Variants in TAF12 observed in about 807,000 individuals in gnomAD.
TAF12 encodes TATA-box binding protein associated factor 12, also known as transcription initiation factor TFIID subunit 12.
A neutral mutation model predicts 20.8 loss-of-function variants in TAF12; 3 were observed. The observed-to-expected ratio is 0.14, with a 90% CI of 0.07 to 0.37. The LOEUF is 0.37. TAF12 is among the 10% of genes least tolerant of loss of function. TAF12 has a pLI of 1.00. For missense variants in TAF12, 131 were observed against 197.9 expected (o/e 0.66, Z 2.03); for synonymous variants, 69 against 70.2 (o/e 0.98, Z 0.09).
intron 1 of TAF12, among the ~76,000 whole-genome samples, 173 bp from the exon 2 acceptor site, chr1:28,622,338 A>G (rs1240620021): frequency 1.4e-5 from 2 of 144,782 alleles, no homozygotes; most frequent in Admixed American, 7.0e-5. Context: ...TGGGCAACAT[A>G]GCGAGACCTA....
At chr1:28,631,122 T>G (rs1557470762) in intron 1 of TAF12, among the ~76,000 whole-genome samples, 1 of 151,946 alleles carries the variant, frequency 6.6e-6, no homozygotes, top group Non-Finnish European at 1.5e-5. Context: ...ACAAATGACT[T>G]GTATCCAGCA....
Position 28,603,040 on chromosome 1 carries a change from C to T in TAF12, c.*499G>A, listed in dbSNP as rs1666556737. ...ATGCTGCCACCTGCTGACTAGAGAGCTACAATCCAGGCTTGCTTGTCCTGA... is the reference window on the plus strand; with the variant it reads ...ATGCTGCCACCTGCTGACTAGAGAGTTACAATCCAGGCTTGCTTGTCCTGA... On this transcript the variant is annotated 3_prime_UTR_variant, in exon 6 of 6. Coordinates refer to ENST00000373824, the MANE Select transcript of TAF12 (RefSeq NM_005644.4). 6.5e-6 allele frequency: 1 copy of T among 152,716 alleles called. No individual in the cohort carries two copies. Among genetic ancestry groups the T allele is most frequent in the African/African-American group, 2.4e-5 (1 of 41,418 alleles). 9.5% of individuals were successfully genotyped at this position (152,716 alleles called of 1,614,324 possible). A position where few individuals can be genotyped will look rare whatever the true frequency, so the allele number is the denominator to read the frequency against.
At chr1:28,638,314 C>G (rs1570341256) in intron 1 of TAF12, among the ~76,000 whole-genome samples, 1 of 151,592 alleles carries the variant, frequency 6.6e-6, no homozygotes, top group Admixed American at 6.6e-5. Flanking sequence ...CTCAGCCTCC[C>G]GAGTAGCTGT....
chr1:28,628,410 C>T (rs963863378), intron 1 of TAF12, among the ~76,000 whole-genome samples: 3 of 151,712 alleles, frequency 2.0e-5, no homozygotes, highest in Admixed American at 2.0e-4. Flanking sequence ...ACATATTGTA[C>T]GATTACATTT....
chr1:28,615,173 A>G (rs1005892910), intron 3 of TAF12, among the ~76,000 whole-genome samples: 10 of 152,162 alleles, frequency 6.6e-5, no homozygotes, highest in South Asian at 2.1e-4. Context: ...TTATCAGTCA[A>G]TATAGTCCCC....
intron 1 of TAF12, among the ~76,000 whole-genome samples, chr1:28,628,789 A>C (rs1667524212): frequency 6.6e-6 from 1 of 152,226 alleles, no homozygotes; most frequent in African/African-American, 2.4e-5. Flanking sequence ...AAACACATGT[A>C]TTGCCGGATG....
intron 1 of TAF12, among the ~76,000 whole-genome samples, chr1:28,629,212 G>A (rs752578006): frequency 8.5e-5 from 13 of 152,160 alleles, no homozygotes; most frequent in South Asian, 2.1e-4. Flanking sequence ...GACCAAGAAC[G>A]TCTTATTTTT....
At chr1:28,608,409 T>C (rs552638671) in intron 4 of TAF12, among the ~76,000 whole-genome samples, 33 of 151,674 alleles carry the variant, frequency 2.2e-4, no homozygotes, top group African/African-American at 7.5e-4. Flanking sequence ...TCTCTACGAA[T>C]TGAACTTTAC....
chr1:28,623,123 G>A (rs1303213846), intron 1 of TAF12, among the ~76,000 whole-genome samples: 1 of 152,050 alleles, frequency 6.6e-6, no homozygotes, highest in African/African-American at 2.4e-5. Context: ...CAGGAGGATT[G>A]CCTGAGCCCA....
upstream of TAF12, among the ~76,000 whole-genome samples, chr1:28,647,634 G>T (rs1668230415): frequency 6.6e-6 from 1 of 152,238 alleles, no homozygotes; most frequent in Non-Finnish European, 1.5e-5. Flanking sequence ...AGCACTCTGG[G>T]AGGCTGAGGC....
intron 1 of TAF12, among the ~76,000 whole-genome samples, chr1:28,626,373 A>T (rs969722055): frequency 6.6e-6 from 1 of 151,810 alleles, no homozygotes; most frequent in African/African-American, 2.4e-5. Context: ...TGAGGTCAGG[A>T]GTTCGAGACC....
intron 4 of TAF12, among the ~76,000 whole-genome samples, chr1:28,608,175 CA>C (rs58747974): frequency 0.047 from 3,020 of 63,726 alleles, 110 homozygotes; most frequent in African/African-American, 0.15. Context: ...ACTAAAAATA[CA>C]AAAAAAAAAA....
chr1:28,625,788 G>A (rs1325507615), intron 1 of TAF12, among the ~76,000 whole-genome samples: 1 of 151,772 alleles, frequency 6.6e-6, no homozygotes, highest in Non-Finnish European at 1.5e-5. Flanking sequence ...TGATCCGCCT[G>A]CCTCGGCCTC....
At chr1:28,627,084 C>T (rs185648025) in intron 1 of TAF12, among the ~76,000 whole-genome samples, 97 of 152,048 alleles carry the variant, frequency 6.4e-4, no homozygotes, top group African/African-American at 2.2e-3. Context: ...CAACAGCAGT[C>T]ACTTTAATGA....
chr1:28,636,725 CAGG>C (rs1667836832), intron 1 of TAF12, among the ~76,000 whole-genome samples: 3 of 151,724 alleles, frequency 2.0e-5, no homozygotes, highest in Admixed American at 2.0e-4. Flanking sequence ...CACTTGAGCC[CAGG>C]AGGTTGATAC....
At chr1:28,614,454 C>T (rs1268913712) in intron 3 of TAF12, among the ~76,000 whole-genome samples, 1 of 151,646 alleles carries the variant, frequency 6.6e-6, no homozygotes, top group Non-Finnish European at 1.5e-5. Flanking sequence ...AAGGCCAAGG[C>T]AGGTGGATCA....
chr1:28,628,593 T>C (rs541528834), intron 1 of TAF12, among the ~76,000 whole-genome samples: 1 of 151,620 alleles, frequency 6.6e-6, no homozygotes, highest in Admixed American at 6.6e-5. Context: ...CCAACCCTGA[T>C]TATATTAAAA....
chr1:28,603,031 A>C lies in TAF12; in HGVS notation c.*508T>G, dbSNP rs1194182164. ...TGAATAACGATGCTGCCACCTGCTG[A>C]CTAGAGAGCTACAATCCAGGCTTGC... On this transcript the variant is annotated 3_prime_UTR_variant, in exon 6 of 6. Coordinates refer to ENST00000373824, the MANE Select transcript of TAF12 (RefSeq NM_005644.4). 6.6e-6 allele frequency: 1 copy of C among 152,646 alleles called. No homozygotes were observed. Among genetic ancestry groups the C allele is most frequent in the Non-Finnish European group, 1.5e-5 (1 of 68,276 alleles). 9.5% of individuals were successfully genotyped at this position (152,646 alleles called of 1,614,324 possible).
chr1:28,638,588 C>T (rs993495139), intron 1 of TAF12, among the ~76,000 whole-genome samples: 6 of 150,710 alleles, frequency 4.0e-5, no homozygotes, highest in Non-Finnish European at 8.9e-5. Flanking sequence ...CGGGTTCCAG[C>T]GATTGTCCTG....
Sources: gnomAD v4.1 joint callset for allele counts (sites outside exome capture counted in the v4.1 genomes callset) on GRCh38, gnomAD v4.1.1 for gene constraint, MANE v1.5 for transcripts, NCBI Gene and HGNC (gene_info 2026-07-23, HGNC 2026-07-21) for gene names.